Variants in TAFA2 observed in about 807,000 individuals in gnomAD.
TAFA2 encodes TAFA chemokine like family member 2.
TAFA2 carries 7 observed loss-of-function variants against 18.8 expected under a neutral mutation model. The observed-to-expected ratio is 0.37, with a 90% CI of 0.21 to 0.70. The LOEUF is 0.70. Among genes scored for constraint, TAFA2 ranks in the 30% least tolerant of loss-of-function variants. The probability of loss-of-function intolerance (pLI) is 0.53; values close to 1 mark genes in which losing one functional copy is unlikely to be tolerated. For missense variants in TAFA2, 122 were observed against 158.1 expected (o/e 0.77, Z 1.23); for synonymous variants, 60 against 54.2 (o/e 1.11, Z -0.47).
At chr12:62,115,856 T>C (rs1869939986) in intron 1 of TAFA2, among the ~76,000 whole-genome samples, 1 of 152,170 alleles carries the variant, frequency 6.6e-6, no homozygotes, top group Non-Finnish European at 1.5e-5. Flanking sequence ...CCATCCACAT[T>C]AGCCCCATTA....
chr12:62,127,866 A>G (rs917153706), intron 1 of TAFA2, among the ~76,000 whole-genome samples: 1 of 152,080 alleles, frequency 6.6e-6, no homozygotes, highest in African/African-American at 2.4e-5. Flanking sequence ...AAAAATACCA[A>G]GTACATAGTA....
At chr12:62,016,384 C>A (rs1211949647) in intron 1 of TAFA2, among the ~76,000 whole-genome samples, 1 of 152,044 alleles carries the variant, frequency 6.6e-6, no homozygotes, top group Admixed American at 6.6e-5. Context: ...ATTCTCTCAC[C>A]TCCAAAACAC....
At chr12:62,249,442 ATGAG>A (rs1487181860) in intron 1 of TAFA2, among the ~76,000 whole-genome samples, 5 of 152,154 alleles carry the variant, frequency 3.3e-5, no homozygotes, top group Admixed American at 1.3e-4. Flanking sequence ...CCTTGTGGTA[ATGAG>A]TAAGTTCTTA....
intron 1 of TAFA2, among the ~76,000 whole-genome samples, chr12:62,170,403 G>A (rs1443199791): frequency 6.6e-6 from 1 of 152,142 alleles, no homozygotes; most frequent in Non-Finnish European, 1.5e-5. Context: ...CTGAAATGTT[G>A]CCAAGACATG....
intron 2 of TAFA2, among the ~76,000 whole-genome samples, chr12:61,830,114 C>T (rs1872662702): frequency 6.6e-6 from 1 of 151,306 alleles, no homozygotes; most frequent in African/African-American, 2.4e-5. Flanking sequence ...CCTGTATCTA[C>T]CAATGGTTGA....
rs1287054528 is a variant in TAFA2 at position 61,812,158 on chromosome 12, A to T, written c.106+55162T>A. ...AGGAGACAAGACCACCTCAGCACAGATGCAATTCCTAGAAACCTTAAAACA... is the reference window on the plus strand; with the variant it reads ...AGGAGACAAGACCACCTCAGCACAGTTGCAATTCCTAGAAACCTTAAAACA... On this transcript the variant is annotated intron_variant, in intron 2 of 4. Transcript: ENST00000416284. Among the ~76,000 whole-genome samples, 4 of 151,412 alleles carry T rather than the reference A, an allele frequency of 2.6e-5. 1 individual carries two copies. The highest frequency in any genetic ancestry group is 9.8e-5 in the African/African-American group (4 of 40,700).
rs553652779 is a variant in TAFA2 at position 62,011,265 on chromosome 12, G to C, written c.-1-143839C>G. ...CAGCTCAGAAGAGACAGTGACCATC[G>C]AGAGCGGGCCATGATGACGATGGCG... On this transcript the variant is annotated intron_variant, in intron 1 of 4. Transcript: ENST00000416284. Among the ~76,000 whole-genome samples the C allele has an allele frequency of 1.2e-4, 19 of 152,274 alleles. No individual in the cohort carries two copies. In the East Asian group the frequency reaches 3.3e-3, roughly 26 times the overall value.
At chr12:61,936,299 G>A (rs1201708716) in intron 1 of TAFA2, among the ~76,000 whole-genome samples, 1 of 152,084 alleles carries the variant, frequency 6.6e-6, no homozygotes, top group Non-Finnish European at 1.5e-5. Flanking sequence ...GGGCACAGTT[G>A]CTAATGCCTG....
intron 1 of TAFA2, among the ~76,000 whole-genome samples, chr12:61,929,478 T>C (rs1375131605): frequency 2.0e-5 from 3 of 152,082 alleles, no homozygotes; most frequent in Admixed American, 2.0e-4. Context: ...CCAGTTAGAA[T>C]GGCAATCATT....
chr12:62,139,647 T>C (rs951488042), intron 1 of TAFA2, among the ~76,000 whole-genome samples: 15 of 152,184 alleles, frequency 9.9e-5, no homozygotes, highest in Middle Eastern at 3.2e-3. Flanking sequence ...GTGTGAGCAG[T>C]AGCATGCATC....
At chr12:62,018,474 A>G (rs986337485) in intron 1 of TAFA2, among the ~76,000 whole-genome samples, 5 of 152,180 alleles carry the variant, frequency 3.3e-5, no homozygotes, top group African/African-American at 9.7e-5. Flanking sequence ...AATATAGACC[A>G]ATGGAGCAGA....
chr12:62,175,912 T>C (rs1470869023), intron 1 of TAFA2, among the ~76,000 whole-genome samples: 1 of 147,312 alleles, frequency 6.8e-6, no homozygotes, highest in Non-Finnish European at 1.5e-5. Context: ...GCCTGATACC[T>C]CTCATCTATT....
chr12:61,911,233 G>C (rs1876597806), intron 1 of TAFA2, among the ~76,000 whole-genome samples: 1 of 152,056 alleles, frequency 6.6e-6, no homozygotes, highest in African/African-American at 2.4e-5. Context: ...TCAGCAGCAG[G>C]AGGATCCCTT....
At chr12:61,788,016 C>T (rs1870808545) in intron 2 of TAFA2, among the ~76,000 whole-genome samples, 1 of 151,644 alleles carries the variant, frequency 6.6e-6, no homozygotes, top group Non-Finnish European at 1.5e-5. Flanking sequence ...AAAGATATTA[C>T]ATGCAAATGA....
At chr12:61,995,716 G>C (rs1362134093) in intron 1 of TAFA2, among the ~76,000 whole-genome samples, 1 of 152,084 alleles carries the variant, frequency 6.6e-6, no homozygotes, top group East Asian at 1.9e-4. Context: ...CACATCAAAA[G>C]GGACAAAAAG....
At chr12:62,019,839 GAATAA>G (rs1430336355) in intron 1 of TAFA2, among the ~76,000 whole-genome samples, 3 of 151,892 alleles carry the variant, frequency 2.0e-5, no homozygotes, top group Admixed American at 6.6e-5. Flanking sequence ...TAAAAAAATA[GAATAA>G]AATAAAATAA....
Position 61,758,662 on chromosome 12 carries a change from G to A in TAFA2, c.107-3638C>T, listed in dbSNP as rs117702381. On this transcript the variant is annotated intron_variant, in intron 2 of 4. Coordinates refer to ENST00000416284, the MANE Select transcript of TAFA2 (RefSeq NM_178539.5). ...ACCTAAGAAAGAGTGAATTTACCAG[G>A]AAAGAGTGGTAGGAATACCAGGCAG... Among the ~76,000 whole-genome samples the A allele has an allele frequency of 2.1e-3, 321 of 152,142 alleles. 1 individual carries two copies. Among genetic ancestry groups the A allele is most frequent in the Non-Finnish European group, 3.8e-3 (260 of 67,952 alleles).
rs185478992 is a variant in TAFA2 at position 62,088,832 on chromosome 12, C to A, written c.-2+102427G>T. On this transcript the variant is annotated intron_variant, in intron 1 of 4. Transcript: ENST00000416284. Reference sequence around the variant, plus strand: ...TTATTATTTTGCATTCTGAAAAAAACCACAGGCTGATGTGGCCTGAGAAAA... The same window carrying A: ...TTATTATTTTGCATTCTGAAAAAAAACACAGGCTGATGTGGCCTGAGAAAA... Among the ~76,000 whole-genome samples the A allele has an allele frequency of 2.6e-3, 397 of 151,934 alleles. 1 individual carries two copies. The highest frequency in any genetic ancestry group is 8.7e-3 in the African/African-American group (360 of 41,418).
At chr12:61,723,105 T>A (rs1869981821) in intron 4 of TAFA2, among the ~76,000 whole-genome samples, 1 of 152,148 alleles carries the variant, frequency 6.6e-6, no homozygotes, top group South Asian at 2.1e-4. Flanking sequence ...TGTGTTTGTT[T>A]TAGCTTTGCC....
Sources: gnomAD v4.1 joint callset for allele counts (sites outside exome capture counted in the v4.1 genomes callset) on GRCh38, gnomAD v4.1.1 for gene constraint, MANE v1.5 for transcripts, NCBI Gene and HGNC (gene_info 2026-07-23, HGNC 2026-07-21) for gene names.